TTN: variants seen among roughly 807,000 people sequenced by gnomAD.
TTN encodes connectin.
A neutral mutation model predicts 3,223.0 loss-of-function variants in TTN; 1,525 were observed. The ratio of observed to expected loss-of-function variants is 0.47; its 90% CI spans 0.45 to 0.49. The LOEUF (loss-of-function observed/expected upper bound fraction) is 0.49, where lower values mean the gene tolerates loss of function less well. TTN is among the 20% of genes least tolerant of loss of function. The pLI, the probability that TTN is intolerant of heterozygous loss-of-function variation, is 0.00. For synonymous variants in TTN, 14,094 were observed against 15,161.0 expected (o/e 0.93, Z 5.17); for missense variants, 40,786 against 43,424.0 (o/e 0.94, Z 5.40).
In TTN at chr2:178,679,968, T is replaced by C; in HGVS notation, c.33506A>G (p.Glu11169Gly). 1 of 1,613,190 alleles carries C rather than the reference T, an allele frequency of 6.2e-7. No individual in the cohort carries two copies. The highest frequency in any genetic ancestry group is 8.5e-7 in the Non-Finnish European group (1 of 1,179,410). The change falls in exon 140 of 363, where the codon GAA becomes GGA. Residue 11169 changes from glutamate to glycine, a missense_variant. Transcript: ENST00000589042. ...TTCTTCATGAATGTACTCTTCTTCT[T>C]CTTCTACAAGATATTCTTCTACATG... ...VTHVEEYLVE[E>G]EEEYIHEEEE...
At chr2:178,556,763 A>T in intron 330 of TTN, 85 bp downstream of exon 330, 1 of 1,484,142 alleles carries the variant, frequency 6.7e-7, no homozygotes, top group African/African-American at 1.4e-5. Flanking sequence ...AGTAAAAGTT[A>T]TTCTATAGGA....
intron 121 of TTN, among the ~76,000 whole-genome samples, chr2:178,690,731 T>C (rs1246922728): frequency 6.6e-6 from 1 of 152,180 alleles, no homozygotes; most frequent in East Asian, 1.9e-4. Flanking sequence ...AATATTTTGG[T>C]GCAATTATAT....
At position 178,534,536 on chromosome 2, in the gene TTN, T is replaced by C. The variant is rs1690594509; in HGVS notation, c.102079A>G (p.Ile34027Val). ...AETNQQIIEN[I>V]MNAEYTFDEE... ...TCGAAAGTATATTCAGCATTCATGA[T>C]ATTCTCAATGATCTGTTGGTTAGTT... The change falls in exon 358 of 363, where the codon ATC (isoleucine) becomes GTC (valine). Residue 34027 changes from isoleucine to valine, a missense_variant. Physicochemically the swap from Ile to Val is conservative, Grantham distance 29 (BLOSUM62 3). Coordinates refer to ENST00000589042, the MANE Select transcript of TTN (RefSeq NM_001267550.2). 1 of 1,613,774 alleles carries C rather than the reference T, an allele frequency of 6.2e-7. No homozygotes were observed. Among genetic ancestry groups the C allele is most frequent in the Non-Finnish European group, 8.5e-7 (1 of 1,179,800 alleles).
At chr2:178,688,537 G>C in intron 126 of TTN, 140 bp downstream of exon 126, 2 of 681,906 alleles carry the variant, frequency 2.9e-6, no homozygotes, top group Non-Finnish European at 5.1e-6. Flanking sequence ...GGCTACAAAA[G>C]GTAGACACAT....
Position 178,533,674 on chromosome 2 carries a change from C to A in TTN, c.102941G>T (p.Gly34314Val). The A allele has an allele frequency of 6.2e-7, 1 of 1,613,860 alleles. No homozygotes were observed. ...ACTGTTGATTGTTAATTGGTAAAGA[C>A]CCTTGTCTGACTCAAATGTGTACTT... ...DKKYTFESDKGLYQLTINSVT... is the reference protein window; with the variant it reads ...DKKYTFESDKVLYQLTINSVT... The change falls in exon 358 of 363, where the codon GGT becomes GTT. Residue 34314 changes from glycine (G) to valine (V), a missense_variant. Physicochemically the swap from Gly to Val is moderately radical, Grantham distance 109 (BLOSUM62 -3). Transcript: ENST00000589042.
Position 178,540,149 on chromosome 2 carries a change from A to C in TTN, c.98017T>G (p.Phe32673Val). ...CCAGCATTACAAGCTAGGACGCGGA[A>C]CCTGTATTCTGCACCCTGAGGTAGG... ...THLPQGAEYR[F>V]RVLACNAGGP... is the part of the protein sequence containing the mutation. Residue 32673 changes from phenylalanine (F) to valine (V), a missense_variant, in exon 351 of 363, where the codon TTC becomes GTC. By Grantham distance (50) the Phe-to-Val change is conservative. Transcript: ENST00000589042. The C allele has an allele frequency of 6.2e-7, 1 of 1,613,712 alleles. No individual in the cohort carries two copies. Among genetic ancestry groups the C allele is most frequent in the South Asian group, 1.1e-5 (1 of 91,070 alleles).
At chr2:178,727,526 G>T in intron 68 of TTN, 59 bp downstream of exon 68, 1 of 1,518,926 alleles carries the variant, frequency 6.6e-7, no homozygotes. Context: ...CATTGTAACT[G>T]AATACAGAGA....
chr2:178,586,423 C>T (rs1312188281), intron 308 of TTN, 82 bp downstream of exon 308: 3 of 1,518,468 alleles, frequency 2.0e-6, no homozygotes. Flanking sequence ...GAGCTAGATT[C>T]CTCAGGGAGA....
chr2:178,796,827 G>T (rs190657347), intron 6 of TTN, among the ~76,000 whole-genome samples: 19 of 152,204 alleles, frequency 1.2e-4, no homozygotes, highest in African/African-American at 4.3e-4. Context: ...CATTATAGGA[G>T]AGTGCTTATT....
rs794729304 is a variant in TTN, at chr2:178,539,969, G to A, written c.98099-3C>T. Reference sequence around the variant, plus strand: ...ATCAAGTTCATAATCAGGATATTCTGGAAAAAAAGGTAGGGTTTCAATTTA... The same window carrying A: ...ATCAAGTTCATAATCAGGATATTCTAGAAAAAAAGGTAGGGTTTCAATTTA... On this transcript the variant is annotated splice_region_variant and splice_polypyrimidine_tract_variant and intron_variant, in intron 351 of 362. Transcript: ENST00000589042. 1 of 1,604,494 alleles carries A rather than the reference G, an allele frequency of 6.2e-7. No homozygotes were observed. Among genetic ancestry groups the A allele is most frequent in the Admixed American group, 1.7e-5 (1 of 57,998 alleles).
rs397517531 is a variant in TTN at position 178,707,664 on chromosome 2, T to C, written c.28903A>G (p.Arg9635Gly). 5 of 1,613,960 alleles carry C rather than the reference T, an allele frequency of 3.1e-6. No individual in the cohort carries two copies. Among genetic ancestry groups the C allele is most frequent in the South Asian group, 2.2e-5 (2 of 91,082 alleles). ...CCACTAGCAAAGCTGAAGCTGCATCTGTCTGAAGGCTTTATTTCCCTGCCA... is the reference window on the plus strand; with the variant it reads ...CCACTAGCAAAGCTGAAGCTGCATCCGTCTGAAGGCTTTATTTCCCTGCCA... The part of the protein sequence containing the change: ...KAGREIKPSD[R>G]CSFSFASGTA... Residue 9635 changes from arginine to glycine, a missense_variant, in exon 100 of 363, where the codon AGA becomes GGA. Transcript: ENST00000589042.
Position 178,685,508 on chromosome 2 carries a change from G to A in TTN, c.32392+10C>T. 1 of 1,609,116 alleles carries A rather than the reference G, an allele frequency of 6.2e-7. No individual in the cohort carries two copies. Among genetic ancestry groups the A allele is most frequent in the Non-Finnish European group, 8.5e-7 (1 of 1,177,554 alleles). Reference sequence around the variant, plus strand: ...ACATAGGGATAAAACTAATTAAAGAGTCAGCATACCTTCAGCTGGCTCAGC... The same window carrying A: ...ACATAGGGATAAAACTAATTAAAGAATCAGCATACCTTCAGCTGGCTCAGC... On this transcript the variant is annotated intron_variant, in intron 128 of 362. Coordinates refer to ENST00000589042, the MANE Select transcript of TTN (RefSeq NM_001267550.2).
chr2:178,652,087 C>T lies in TTN; in HGVS notation c.39295+9G>A. 6.2e-7 allele frequency: 1 copy of T among 1,613,340 alleles called. No homozygotes were observed. Among genetic ancestry groups the T allele is most frequent in the Non-Finnish European group, 8.5e-7 (1 of 1,179,658 alleles). ...TAAAAAACACTAATTTGAATAGTTT[C>T]ATTATTACCTTCAGGGGGAGGACTT... On this transcript the variant is annotated intron_variant, in intron 204 of 362. Coordinates refer to ENST00000589042, the MANE Select transcript of TTN (RefSeq NM_001267550.2).
At chr2:178,685,436 T>C in intron 128 of TTN, 82 bp downstream of exon 128, 2 of 1,488,830 alleles carry the variant, frequency 1.3e-6, no homozygotes, top group Non-Finnish European at 1.8e-6. Flanking sequence ...ATTTGCAATA[T>C]GGATGACAAA....
Position 178,644,613 on chromosome 2 carries a change from A to G in TTN, c.40412T>C (p.Ile13471Thr), listed in dbSNP as rs1381799150. The G allele has an allele frequency of 6.4e-7, 1 of 1,563,334 alleles. No homozygotes were observed. The highest frequency in any genetic ancestry group is 1.2e-5 in the South Asian group (1 of 81,750). Residue 13471 changes from isoleucine (I) to threonine (T), a missense_variant, in exon 218 of 363, where the codon ATT (isoleucine) becomes ACT (threonine). Transcript: ENST00000589042. ...TTTTTCAGGAACTTTCTTCTTTGGA[A>G]TAGCTTTAAAGAATATGATTTTACT... ...VKEKIFQLKA[I>T]PKKKVPEKPQ...
In TTN at chr2:178,547,833, T is replaced by C. The variant is rs770324266; in HGVS notation, c.93793A>G (p.Thr31265Ala). 6.2e-7 allele frequency: 1 copy of C among 1,613,814 alleles called. No individual in the cohort carries two copies. The highest frequency in any genetic ancestry group is 8.5e-7 in the Non-Finnish European group (1 of 1,179,850). The change falls in exon 339 of 363, where the codon ACA (threonine) becomes GCA (alanine). Residue 31265 changes from threonine (T) to alanine (A), a missense_variant. Thr to Ala is a moderately conservative substitution (Grantham distance 58). Coordinates refer to ENST00000589042, the MANE Select transcript of TTN (RefSeq NM_001267550.2). Reference protein sequence around the residue: ...RLKETDRVSITTTKDRTTLTV... With the variant: ...RLKETDRVSIATTKDRTTLTV... Reference sequence around the variant, plus strand: ...AGTGTGGTTCTGTCTTTTGTTGTTGTAATGCTCACTCGATCTGTCTCTTTA... The same window carrying C: ...AGTGTGGTTCTGTCTTTTGTTGTTGCAATGCTCACTCGATCTGTCTCTTTA...
chr2:178,652,403 A>G, intron 202 of TTN, 55 bp downstream of exon 202: 1 of 1,613,088 alleles, frequency 6.2e-7, no homozygotes, highest in Non-Finnish European at 8.5e-7. Context: ...CTAGAAAAAT[A>G]CTTTCCAGAG....
intron 217 of TTN, 33 bp from the exon 218 acceptor site, chr2:178,644,649 G>A (rs1202416900): frequency 6.8e-7 from 1 of 1,469,882 alleles, no homozygotes; most frequent in African/African-American, 1.4e-5. Flanking sequence ...TTTGTTATTT[G>A]TATATTTAAT....
At chr2:178,650,134 T>G in intron 210 of TTN, 30 bp downstream of exon 210, 1 of 1,533,618 alleles carries the variant, frequency 6.5e-7, no homozygotes, top group Non-Finnish European at 8.8e-7. Flanking sequence ...AATGACTGTA[T>G]TTTCCCATAC....
Sources: gnomAD v4.1 joint callset for allele counts (sites outside exome capture counted in the v4.1 genomes callset) on GRCh38, gnomAD v4.1.1 for gene constraint, MANE v1.5 for transcripts, NCBI Gene and HGNC (gene_info 2026-07-23, HGNC 2026-07-21) for gene names.